SIRT4: variants seen among roughly 807,000 people sequenced by gnomAD.
SIRT4 encodes the protein sirtuin 4, also known as NAD-dependent protein lipoamidase sirtuin-4, mitochondrial.
A neutral mutation model predicts 26.1 loss-of-function variants in SIRT4; 23 were observed. The ratio of observed to expected loss-of-function variants is 0.88; its 90% CI spans 0.63 to 1.25. The LOEUF is 1.25. Among genes scored for constraint, SIRT4 ranks in the 50% most tolerant of loss-of-function variants. The probability of loss-of-function intolerance (pLI) is 0.00; values close to 1 mark genes in which losing one functional copy is unlikely to be tolerated. For missense variants in SIRT4, 361 were observed against 405.4 expected, an observed-to-expected ratio of 0.89 and a Z score of 0.94; for synonymous variants, 155 against 158.4, an observed-to-expected ratio of 0.98 and a Z score of 0.16.
At chr12:120,309,605 T>A (rs2136839692) in intron 2 of SIRT4, among the ~76,000 whole-genome samples, 1 of 151,500 alleles carries the variant, frequency 6.6e-6, no homozygotes, top group South Asian at 2.1e-4. Flanking sequence ...AGAGACTGGG[T>A]TTCACCGTGT....
At position 120,312,593 on chromosome 12, in the gene SIRT4, T is replaced by C; in HGVS notation, c.635T>C (p.Val212Ala). Residue 212 changes from valine (V) to alanine (A), a missense_variant, in exon 3 of 4, where the codon GTC becomes GCC. Val to Ala is a moderately conservative substitution (Grantham distance 64, BLOSUM62 0). Transcript: ENST00000202967. ...DGDVFLSEEQ[V>A]RSFQVPTCVQ... Reference sequence around the variant, plus strand: ...GACGTCTTTCTCTCAGAGGAGCAAGTCCGGAGCTTTCAGGTCCCAACCTGC... The same window carrying C: ...GACGTCTTTCTCTCAGAGGAGCAAGCCCGGAGCTTTCAGGTCCCAACCTGC... The C allele has an allele frequency of 6.2e-7, 1 of 1,614,112 alleles. No homozygotes were observed. Among genetic ancestry groups the C allele is most frequent in the South Asian group, 1.1e-5 (1 of 91,088 alleles).
At position 120,306,912 on chromosome 12, in the gene SIRT4, A is replaced by G. The variant is rs1414378109; in HGVS notation, c.497+2854A>G. Among the ~76,000 whole-genome samples, 6 of 152,222 alleles carry G rather than the reference A, an allele frequency of 3.9e-5. 1 individual carries two copies. The highest frequency in any genetic ancestry group is 1.2e-4 in the African/African-American group (5 of 41,466). On this transcript the variant is annotated intron_variant, in intron 2 of 3. Transcript: ENST00000202967. Reference sequence around the variant, plus strand: ...TGTGCTATAAACTGCTGGGTTTCCAATGCCTAGGATGGCTAGATACATAGA... The same window carrying G: ...TGTGCTATAAACTGCTGGGTTTCCAGTGCCTAGGATGGCTAGATACATAGA...
Position 120,303,995 on chromosome 12 carries a change from T to C in SIRT4, c.434T>C (p.Val145Ala). The change falls in exon 2 of 4, where the codon GTG (valine) becomes GCG (alanine). Residue 145 changes from valine to alanine, a missense_variant. By Grantham distance (64) the Val-to-Ala change is moderately conservative. Coordinates refer to ENST00000202967, the MANE Select transcript of SIRT4 (RefSeq NM_012240.3). ...CTGTACTGGTTGGTGACCCAAAATG[T>C]GGATGCTTTGCACACCAAGGCGGGG... Reference protein sequence around the residue: ...GKLYWLVTQNVDALHTKAGSR... With the variant: ...GKLYWLVTQNADALHTKAGSR... 1 of 1,613,994 alleles carries C rather than the reference T, an allele frequency of 6.2e-7. No individual in the cohort carries two copies. The highest frequency in any genetic ancestry group is 8.5e-7 in the Non-Finnish European group (1 of 1,180,030).
Position 120,313,207 on chromosome 12 carries a change from A to ACTC in SIRT4, c.*172_*174dup. ...TAATGTGTGGATATTCTTAATTAAAACTCATTTTTTTTAAATAAAAAATTG... is the reference window on the plus strand; with the variant it reads ...TAATGTGTGGATATTCTTAATTAAAACTCCTCATTTTTTTTAAATAAAAAATTG... On this transcript the variant is annotated 3_prime_UTR_variant, in exon 4 of 4. Transcript: ENST00000202967. 1 of 675,942 alleles carries ACTC rather than the reference A, an allele frequency of 1.5e-6. No individual in the cohort carries two copies. Among genetic ancestry groups the ACTC allele is most frequent in the Non-Finnish European group, 2.4e-6 (1 of 416,516 alleles). 41.9% of individuals were successfully genotyped at this position (675,942 alleles called of 1,614,324 possible).
chr12:120,294,849 G>T, the SIRT4 span, among the ~76,000 whole-genome samples: 2 of 148,620 alleles, frequency 1.3e-5, no homozygotes, highest in Non-Finnish European at 3.0e-5. Context: ...TTTTTTTGAG[G>T]GGGAGTCTCG....
Position 120,304,073 on chromosome 12 carries a change from C to G in SIRT4, c.497+15C>G. 10 of 1,602,018 alleles carry G rather than the reference C, an allele frequency of 6.2e-6. No individual in the cohort carries two copies. Among genetic ancestry groups the G allele is most frequent in the African/African-American group, 1.3e-5 (1 of 75,026 alleles). ...TGCATGGACAGGTGCAGGAGCTGTA[C>G]ACGGTTTGAACGCAAACCCGTGTGT... On this transcript the variant is annotated intron_variant, in intron 2 of 3. Transcript: ENST00000202967.
Position 120,313,214 on chromosome 12 carries a change from T to A in SIRT4, c.*178T>A, listed in dbSNP as rs201896661. The A allele has an allele frequency of 4.5e-6, 3 of 664,974 alleles. No homozygotes were observed. Among genetic ancestry groups the A allele is most frequent in the Non-Finnish European group, 7.5e-6 (3 of 401,730 alleles). The allele number at this position is 664,974 out of a possible 1,614,324, so 41.2% of individuals were successfully genotyped here. On this transcript the variant is annotated 3_prime_UTR_variant, in exon 4 of 4. Coordinates refer to ENST00000202967, the MANE Select transcript of SIRT4 (RefSeq NM_012240.3). ...TGGATATTCTTAATTAAAACTCATT[T>A]TTTTTAAATAAAAAATTGTTCAGCT...
At chr12:120,305,983 G>C (rs1228642556) in intron 2 of SIRT4, among the ~76,000 whole-genome samples, 1 of 150,482 alleles carries the variant, frequency 6.6e-6, no homozygotes. Flanking sequence ...CTGCACTCCA[G>C]CCTGGGTGAC....
chr12:120,312,422 C>T, intron 2 of SIRT4, 34 bp from the exon 3 acceptor site: 1 of 1,568,886 alleles, frequency 6.4e-7, no homozygotes, highest in Non-Finnish European at 8.6e-7. Context: ...CTCCCAAGGG[C>T]ATACTGTTCA....
At chr12:120,308,889 G>A (rs868323461) in intron 2 of SIRT4, among the ~76,000 whole-genome samples, 4 of 152,184 alleles carry the variant, frequency 2.6e-5, no homozygotes, top group Admixed American at 1.3e-4. Flanking sequence ...AATTTTTTCC[G>A]CCGGGCGTGG....
intron 2 of SIRT4, among the ~76,000 whole-genome samples, chr12:120,310,409 C>T (rs376844184): frequency 8.6e-5 from 13 of 151,978 alleles, no homozygotes; most frequent in Non-Finnish European, 1.8e-4. Flanking sequence ...GTAGAGAGAG[C>T]GTCTTGCTGT....
upstream of SIRT4, among the ~76,000 whole-genome samples, chr12:120,302,066 AAAAAAAG>A (rs1161209948): frequency 1.1e-4 from 17 of 152,080 alleles, no homozygotes; most frequent in East Asian, 2.9e-3. Context: ...GTCTTAAAAA[AAAAAAAG>A]AAAAAAGAAA....
At chr12:120,309,961 C>A (rs1227898944) in intron 2 of SIRT4, among the ~76,000 whole-genome samples, 1 of 151,948 alleles carries the variant, frequency 6.6e-6, no homozygotes, top group African/African-American at 2.4e-5. Context: ...AACTGATCCA[C>A]CCATCTTGGC....
At chr12:120,301,962 C>A (rs540736063), upstream of SIRT4, among the ~76,000 whole-genome samples, 2 of 145,390 alleles carry the variant, frequency 1.4e-5, no homozygotes, top group African/African-American at 5.1e-5. Context: ...GCAGGAGAAT[C>A]GGTTGAACCC....
upstream of SIRT4, among the ~76,000 whole-genome samples, chr12:120,301,060 C>T (rs145500041): frequency 5.6e-3 from 852 of 152,250 alleles, 12 homozygotes; most frequent in African/African-American, 0.02. Flanking sequence ...AAAAACATCA[C>T]TTTTGGCTGG....
At chr12:120,309,857 A>G (rs1266010481) in intron 2 of SIRT4, among the ~76,000 whole-genome samples, 1 of 151,216 alleles carries the variant, frequency 6.6e-6, no homozygotes, top group African/African-American at 2.4e-5. Flanking sequence ...CTGGAATTAC[A>G]GGTGTGCACC....
At chr12:120,304,149 C>T (rs1329478750) in intron 2 of SIRT4, 91 bp downstream of exon 2, 1 of 1,470,850 alleles carries the variant, frequency 6.8e-7, no homozygotes, top group South Asian at 1.3e-5. Context: ...CAGTCTTAGA[C>T]CTTGAGAAAA....
upstream of SIRT4, among the ~76,000 whole-genome samples, chr12:120,300,641 T>C (rs1194233477): frequency 6.6e-6 from 1 of 152,074 alleles, no homozygotes; most frequent in African/African-American, 2.4e-5. Context: ...AGTGAGTGGG[T>C]CTCACTATGT....
At chr12:120,297,340 A>AAAAAAAAG (rs1555327923), upstream of SIRT4, among the ~76,000 whole-genome samples, 2 of 114,094 alleles carry the variant, frequency 1.8e-5, no homozygotes, top group African/African-American at 6.2e-5. Flanking sequence ...AAAAAAAAAA[A>AAAAAAAAG]AGAGAGAGAG....
Sources: gnomAD v4.1 joint callset for allele counts (sites outside exome capture counted in the v4.1 genomes callset) on GRCh38, gnomAD v4.1.1 for gene constraint, MANE v1.5 for transcripts, NCBI Gene and HGNC (gene_info 2026-07-23, HGNC 2026-07-21) for gene names.